Variants in SERGEF observed in about 807,000 individuals in gnomAD.
SERGEF encodes the protein secretion-regulating guanine nucleotide exchange factor.
Under a neutral mutation model 50.0 loss-of-function variants are expected in SERGEF, and 51 were observed. The observed-to-expected ratio is 1.02, with a 90% CI of 0.81 to 1.29. The LOEUF (loss-of-function observed/expected upper bound fraction) is 1.29. SERGEF is among the 50% of genes most tolerant of loss of function. The pLI is 0.00. For missense variants in SERGEF, 521 were observed against 557.0 expected (o/e 0.94, Z 0.65); for synonymous variants, 205 against 212.4 (o/e 0.97, Z 0.30).
rs142572620 is a variant in SERGEF at position 17,957,973 on chromosome 11, T to G, written c.1011+1497A>C. Among the ~76,000 whole-genome samples, 14 of 152,324 alleles carry G rather than the reference T, an allele frequency of 9.2e-5. No homozygotes were observed. The East Asian group carries it at 2.7e-3, about 29-fold the overall frequency. On this transcript the variant is annotated intron_variant, in intron 9 of 10. Coordinates refer to ENST00000265965, the MANE Select transcript of SERGEF (RefSeq NM_012139.4). ...GGAGATGTGTATACACAAAAAGGAA[T>G]GTAGCTGTTTTAGGGTGGCAAGATT...
intron 8 of SERGEF, among the ~76,000 whole-genome samples, chr11:17,971,009 A>G (rs187110878): frequency 1.2e-3 from 184 of 152,286 alleles, no homozygotes; most frequent in African/African-American, 4.2e-3. Flanking sequence ...CCTGGCTAAC[A>G]TGGTGAAACC....
chr11:17,911,252 G>A (rs565126791), intron 9 of SERGEF, among the ~76,000 whole-genome samples: 8 of 149,956 alleles, frequency 5.3e-5, no homozygotes, highest in Admixed American at 2.7e-4. Context: ...TAACTTGTAT[G>A]AGTGATGGGG....
In SERGEF at chr11:17,878,092, TC is replaced by T. The variant is rs1851270511; in HGVS notation, c.1048+115del. ...CCAAAAACTTCCATTTCCCCCAATC[TC>T]CCCTAACACACATGCATGAGTGCAC... is the stretch of plus-strand genomic sequence containing the variant. On this transcript the variant is annotated intron_variant, in intron 10 of 10. Transcript: ENST00000265965. 16 of 687,414 alleles carry T rather than the reference TC, an allele frequency of 2.3e-5. No individual in the cohort carries two copies. The South Asian group carries it at 3.1e-4, about 13-fold the overall frequency. 42.6% of individuals were successfully genotyped at this position (687,414 alleles called of 1,614,324 possible). A position where few individuals can be genotyped will look rare whatever the true frequency, so the allele number is the denominator to read the frequency against.
chr11:17,921,401 C>A (rs1852153284), intron 9 of SERGEF, among the ~76,000 whole-genome samples: 1 of 152,206 alleles, frequency 6.6e-6, no homozygotes, highest in South Asian at 2.1e-4. Context: ...TTAAATGAGA[C>A]TGCCCATGTA....
rs116419932 is a variant in SERGEF at position 17,991,743 on chromosome 11, T to G, written c.685+1188A>C. The stretch of plus-strand genomic sequence containing the variant: ...CAGAATTTGCAAAGCATTTAAACTT[T>G]CATATTATGGCTCCCGTGCTCTTGA... On this transcript the variant is annotated intron_variant, in intron 7 of 10. Coordinates refer to ENST00000265965, the MANE Select transcript of SERGEF (RefSeq NM_012139.4). The surrounding 1 kb of genome is among the most constrained non-coding windows in gnomAD (Gnocchi z 4.9). Among the ~76,000 whole-genome samples the G allele has an allele frequency of 5.7e-3, 868 of 152,340 alleles. 11 individuals are homozygous for G. Among genetic ancestry groups the G allele is most frequent in the African/African-American group, 0.02 (842 of 41,570 alleles).
rs1853707821 is a variant in SERGEF, at chr11:17,991,308, T to C, written c.685+1623A>G. On this transcript the variant is annotated intron_variant, in intron 7 of 10. Transcript: ENST00000265965. This position sits in a 1 kb window ranked among gnomAD's most constrained non-coding sequence, Gnocchi z 4.9. ...CACCATAATAAAAGTGCCCTACATA[T>C]GAAATAACAAATTTACTACCAACAA... 6.6e-6 allele frequency among the ~76,000 whole-genome samples: 1 copy of C among 152,156 alleles called. No individual in the cohort carries two copies. The highest frequency in any genetic ancestry group is 2.4e-5 in the African/African-American group (1 of 41,444).
chr11:17,928,777 C>T (rs1241341897), intron 9 of SERGEF, among the ~76,000 whole-genome samples: 1 of 151,908 alleles, frequency 6.6e-6, no homozygotes, highest in African/African-American at 2.4e-5. Context: ...GAGATTTAAA[C>T]CTGAAAAAAA....
intron 9 of SERGEF, among the ~76,000 whole-genome samples, chr11:17,911,379 A>T (rs549109228): frequency 4.7e-4 from 69 of 147,338 alleles, no homozygotes; most frequent in Middle Eastern, 3.6e-3. Flanking sequence ...AATATATATA[A>T]AATATATATA....
intron 8 of SERGEF, among the ~76,000 whole-genome samples, chr11:17,968,344 T>C (rs1853172295): frequency 6.6e-6 from 1 of 152,208 alleles, no homozygotes; most frequent in Non-Finnish European, 1.5e-5. Flanking sequence ...ATTCACAATA[T>C]TGAGCAAATA....
intron 5 of SERGEF, among the ~76,000 whole-genome samples, chr11:17,997,480 A>C (rs973633788): frequency 6.6e-6 from 1 of 152,254 alleles, no homozygotes; most frequent in Non-Finnish European, 1.5e-5. Flanking sequence ...GTTCCTCAGA[A>C]AATTAAAAAT....
At chr11:17,953,551 G>C (rs1331581151) in intron 9 of SERGEF, among the ~76,000 whole-genome samples, 1 of 152,170 alleles carries the variant, frequency 6.6e-6, no homozygotes, top group African/African-American at 2.4e-5. Context: ...TCCCAAACTG[G>C]CCTGGGATTG....
intron 9 of SERGEF, among the ~76,000 whole-genome samples, chr11:17,908,325 G>C (rs1359833214): frequency 6.6e-6 from 1 of 151,954 alleles, no homozygotes; most frequent in Non-Finnish European, 1.5e-5. Flanking sequence ...TGCAGCTTTG[G>C]ATCTTCATAT....
chr11:17,824,422 CAG>C (rs1850148666), intron 10 of SERGEF, among the ~76,000 whole-genome samples: 1 of 152,062 alleles, frequency 6.6e-6, no homozygotes, highest in African/African-American at 2.4e-5. Context: ...GATAGTGAAA[CAG>C]AGAGATAGAA....
At chr11:17,974,040 G>A (rs1483348333) in intron 8 of SERGEF, among the ~76,000 whole-genome samples, 1 of 152,184 alleles carries the variant, frequency 6.6e-6, no homozygotes, top group Non-Finnish European at 1.5e-5. Context: ...CTAGTAGATG[G>A]TGTGACAAAT....
chr11:17,843,452 C>T (rs575685210), intron 10 of SERGEF, among the ~76,000 whole-genome samples: 13 of 152,266 alleles, frequency 8.5e-5, no homozygotes, highest in African/African-American at 3.1e-4. Context: ...ATTTTACAAT[C>T]AAGGAAACTG....
At chr11:17,825,199 G>A (rs1277974245) in intron 10 of SERGEF, among the ~76,000 whole-genome samples, 1 of 152,146 alleles carries the variant, frequency 6.6e-6, no homozygotes, top group Non-Finnish European at 1.5e-5. Flanking sequence ...AAATGAAAAT[G>A]GTCCTTGACC....
chr11:17,983,778 A>G (rs1010246481), intron 8 of SERGEF, among the ~76,000 whole-genome samples: 8 of 152,112 alleles, frequency 5.3e-5, no homozygotes, highest in African/African-American at 1.2e-4. Context: ...CTAGTCAGCA[A>G]TGTCAAGAGA....
chr11:17,810,725 G>T (rs1285176233), intron 10 of SERGEF, among the ~76,000 whole-genome samples: 1 of 152,054 alleles, frequency 6.6e-6, no homozygotes, highest in Non-Finnish European at 1.5e-5. Context: ...CTGGGTCACA[G>T]GTGGCTCAGG....
At chr11:17,803,808 C>G (rs899195871) in intron 10 of SERGEF, among the ~76,000 whole-genome samples, 1 of 152,198 alleles carries the variant, frequency 6.6e-6, no homozygotes, top group Non-Finnish European at 1.5e-5. Flanking sequence ...CTCCTTCTTC[C>G]CATCTCCATG....
Sources: gnomAD v4.1 joint callset for allele counts (sites outside exome capture counted in the v4.1 genomes callset) on GRCh38, gnomAD v4.1.1 for gene constraint, Gnocchi (gnomAD v3.1) non-coding constraint, MANE v1.5 for transcripts, NCBI Gene and HGNC (gene_info 2026-07-23, HGNC 2026-07-21) for gene names.